ZBTB16: variants seen among roughly 807,000 people sequenced by gnomAD.
ZBTB16 encodes zinc finger and BTB domain containing 16.
A neutral mutation model predicts 56.8 loss-of-function variants in ZBTB16; 8 were observed. That is an observed-to-expected ratio of 0.14 (90% CI 0.08 to 0.25). The LOEUF is 0.25. ZBTB16 is among the 10% of genes least tolerant of loss of function. The pLI is 1.00. For synonymous variants in ZBTB16, 363 were observed against 368.5 expected (o/e 0.98, Z 0.17); for missense variants, 625 against 903.0 (o/e 0.69, Z 3.95).
chr11:114,156,847 T>C (rs1942426748), intron 3 of ZBTB16, among the ~76,000 whole-genome samples: 1 of 152,232 alleles, frequency 6.6e-6, no homozygotes, highest in Non-Finnish European at 1.5e-5. Flanking sequence ...TAGCGTGCTG[T>C]CTTTTGCAAG....
chr11:114,103,455 G>A (rs906400051), intron 2 of ZBTB16, among the ~76,000 whole-genome samples: 26 of 152,104 alleles, frequency 1.7e-4, no homozygotes, highest in African/African-American at 5.3e-4. Context: ...AGTTTTGGTC[G>A]TTGTTTTCTT....
chr11:114,140,492 G>A (rs1941917445), intron 2 of ZBTB16, among the ~76,000 whole-genome samples: 1 of 152,206 alleles, frequency 6.6e-6, no homozygotes, highest in African/African-American at 2.4e-5. Context: ...CCTAGGCCCA[G>A]AACAGAGGAG....
At chr11:114,113,347 G>A (rs1189008542) in intron 2 of ZBTB16, among the ~76,000 whole-genome samples, 1 of 152,180 alleles carries the variant, frequency 6.6e-6, no homozygotes, top group Non-Finnish European at 1.5e-5. Context: ...GGGTCTTGAA[G>A]TCCAACACTT....
At chr11:114,157,659 C>T (rs1942454995) in intron 3 of ZBTB16, among the ~76,000 whole-genome samples, 1 of 152,196 alleles carries the variant, frequency 6.6e-6, no homozygotes, top group Non-Finnish European at 1.5e-5. Context: ...CTTCAGCTCC[C>T]CACTGCCTTG....
chr11:114,111,935 T>A (rs1057440520), intron 2 of ZBTB16, among the ~76,000 whole-genome samples: 1 of 152,228 alleles, frequency 6.6e-6, no homozygotes, highest in Non-Finnish European at 1.5e-5. Context: ...TTAAACATTT[T>A]TTTTTTGAGG....
intron 4 of ZBTB16, among the ~76,000 whole-genome samples, chr11:114,202,084 A>C (rs996855463): frequency 6.6e-6 from 1 of 152,218 alleles, no homozygotes; most frequent in African/African-American, 2.4e-5. Context: ...TGGAGAATGC[A>C]GCACAGGGGA....
At chr11:114,105,886 T>A (rs951123765) in intron 2 of ZBTB16, among the ~76,000 whole-genome samples, 1 of 152,226 alleles carries the variant, frequency 6.6e-6, no homozygotes, top group African/African-American at 2.4e-5. Context: ...GTAGCCCAGA[T>A]CACCAGGGGA....
intron 3 of ZBTB16, among the ~76,000 whole-genome samples, chr11:114,177,832 C>T (rs752693239): frequency 3.9e-5 from 6 of 152,190 alleles, no homozygotes; most frequent in Non-Finnish European, 8.8e-5. Flanking sequence ...CAGAGTATCA[C>T]TCCGTCACCC....
intron 2 of ZBTB16, among the ~76,000 whole-genome samples, chr11:114,108,904 G>A (rs1359727911): frequency 1.3e-5 from 2 of 152,334 alleles, no homozygotes; most frequent in African/African-American, 2.4e-5. Context: ...GGACAGGCTG[G>A]CCTCAGTGTT....
intron 2 of ZBTB16, among the ~76,000 whole-genome samples, chr11:114,144,220 G>T (rs532179060): frequency 2.6e-4 from 37 of 143,038 alleles, no homozygotes; most frequent in Non-Finnish European, 4.7e-4. Context: ...ACACTCCCAC[G>T]CACACTGGGC....
chr11:114,121,785 C>T (rs1193618900), intron 2 of ZBTB16: 1 of 455,632 alleles, frequency 2.2e-6, no homozygotes. Flanking sequence ...TTTTCACAGA[C>T]ATTTCCAAAT....
At chr11:114,167,226 TTTTTG>T (rs1417404925) in intron 3 of ZBTB16, among the ~76,000 whole-genome samples, 4,282 of 80,374 alleles carry the variant, frequency 0.053, 206 homozygotes, top group East Asian at 0.12. Flanking sequence ...GTTTTTTTTT[TTTTTG>T]GTTTTTTTTT....
chr11:114,185,520 T>C (rs952159326), intron 3 of ZBTB16, among the ~76,000 whole-genome samples: 5 of 152,140 alleles, frequency 3.3e-5, no homozygotes, highest in African/African-American at 9.7e-5. Flanking sequence ...TCAGTACACA[T>C]TGGGAGGCGT....
chr11:114,083,477 G>C (rs915629045), intron 2 of ZBTB16, among the ~76,000 whole-genome samples: 2 of 152,152 alleles, frequency 1.3e-5, no homozygotes, highest in Non-Finnish European at 2.9e-5. Flanking sequence ...AGGGGGCCGT[G>C]GTAGAACATA....
intron 4 of ZBTB16, among the ~76,000 whole-genome samples, chr11:114,201,588 A>T (rs1165003688): frequency 2.0e-5 from 3 of 152,218 alleles, no homozygotes; most frequent in African/African-American, 4.8e-5. Flanking sequence ...ATTGCAAAGC[A>T]ATGAGAATGA....
chr11:114,185,203 T>C (rs1047754059), intron 3 of ZBTB16, among the ~76,000 whole-genome samples: 1 of 152,048 alleles, frequency 6.6e-6, no homozygotes, highest in African/African-American at 2.4e-5. Flanking sequence ...ACAGAGACCC[T>C]ATCTCAAAAA....
chr11:114,157,042 G>A (rs544280882), intron 3 of ZBTB16, among the ~76,000 whole-genome samples: 17 of 152,272 alleles, frequency 1.1e-4, no homozygotes, highest in South Asian at 4.1e-4. Flanking sequence ...TGAGGCTTAG[G>A]TCACCTGACT....
intron 1 of ZBTB16, among the ~76,000 whole-genome samples, chr11:114,062,749 G>C (rs961532981): frequency 3.9e-5 from 6 of 152,214 alleles, no homozygotes; most frequent in African/African-American, 1.4e-4. Flanking sequence ...GCAGAGTTTG[G>C]AAAAACTGTT....
intron 3 of ZBTB16, among the ~76,000 whole-genome samples, chr11:114,175,771 T>C (rs1318582146): frequency 6.6e-6 from 1 of 152,044 alleles, no homozygotes; most frequent in African/African-American, 2.4e-5. Context: ...TGAGGAATGC[T>C]GCCTCCTATT....
Sources: gnomAD v4.1 joint callset for allele counts (sites outside exome capture counted in the v4.1 genomes callset) on GRCh38, gnomAD v4.1.1 for gene constraint, MANE v1.5 for transcripts, NCBI Gene and HGNC (gene_info 2026-07-23, HGNC 2026-07-21) for gene names.